The following RGS6 variants were observed in gnomAD, a reference collection of about 807,000 sequenced individuals.
The protein encoded by RGS6 is regulator of G-protein signaling 6.
Under a neutral mutation model 78.5 loss-of-function variants are expected in RGS6, and 30 were observed. That is an observed-to-expected ratio of 0.38 (90% CI 0.29 to 0.52). The LOEUF is 0.52. Among genes scored for constraint, RGS6 ranks in the 20% least tolerant of loss-of-function variants. RGS6 has a pLI of 0.85. For synonymous variants in RGS6, 206 were observed against 206.0 expected, an observed-to-expected ratio of 1.00 and a Z score of 0.00; for missense variants, 495 against 609.7, an observed-to-expected ratio of 0.81 and a Z score of 1.98.
intron 3 of RGS6, among the ~76,000 whole-genome samples, chr14:72,372,603 G>A (rs1481682077): frequency 6.6e-6 from 1 of 152,208 alleles, no homozygotes; most frequent in East Asian, 1.9e-4. Flanking sequence ...TCTAGGTTGG[G>A]TGTAGGGTAG....
chr14:72,061,698 T>C (rs8022990), intron 2 of RGS6, among the ~76,000 whole-genome samples: 107,839 of 152,042 alleles, frequency 0.71, 38,338 homozygotes, highest in East Asian at 0.83. Flanking sequence ...TGAGTTATCT[T>C]TTATTGTTCT....
downstream of RGS6, among the ~76,000 whole-genome samples, chr14:72,571,243 G>T (rs2097719885): frequency 6.6e-6 from 1 of 152,168 alleles, no homozygotes; most frequent in Admixed American, 6.5e-5. Context: ...CAGGCTTATG[G>T]CAGGGCAAGG....
chr14:72,368,463 A>G (rs1377756277), intron 3 of RGS6, among the ~76,000 whole-genome samples: 1 of 152,150 alleles, frequency 6.6e-6, no homozygotes, highest in Non-Finnish European at 1.5e-5. Flanking sequence ...AAACCATTGC[A>G]CTGTGGTACT....
At chr14:72,263,621 A>G (rs572049500) in intron 2 of RGS6, among the ~76,000 whole-genome samples, 12 of 152,188 alleles carry the variant, frequency 7.9e-5, no homozygotes, top group Non-Finnish European at 5.9e-5. Context: ...GGCCCTCATG[A>G]TTGGGATTAG....
At chr14:72,344,787 A>G (rs1423362586) in intron 2 of RGS6, among the ~76,000 whole-genome samples, 3 of 152,218 alleles carry the variant, frequency 2.0e-5, no homozygotes, top group African/African-American at 4.8e-5. Context: ...CTGGGACACC[A>G]TGGACAGATT....
the RGS6 span, among the ~76,000 whole-genome samples, chr14:72,573,613 A>G: frequency 6.6e-6 from 1 of 152,226 alleles, no homozygotes; most frequent in South Asian, 2.1e-4. Context: ...TCCAGAATAG[A>G]TAAATATCTC....
At chr14:72,215,834 A>G (rs2045427602) in intron 2 of RGS6, among the ~76,000 whole-genome samples, 1 of 152,234 alleles carries the variant, frequency 6.6e-6, no homozygotes, top group Admixed American at 6.5e-5. Context: ...TGATTTCTTT[A>G]TTATGGCTAG....
chr14:72,388,294 G>A (rs975739805), intron 3 of RGS6, among the ~76,000 whole-genome samples: 1 of 152,102 alleles, frequency 6.6e-6, no homozygotes, highest in African/African-American at 2.4e-5. Flanking sequence ...ATATGTGTGT[G>A]CATATTTCAA....
At chr14:72,543,811 C>G (rs1478187802) in intron 17 of RGS6, among the ~76,000 whole-genome samples, 6 of 152,250 alleles carry the variant, frequency 3.9e-5, no homozygotes, top group Admixed American at 3.9e-4. Context: ...TCTTGGCTCA[C>G]TGCAACCTCT....
intron 2 of RGS6, among the ~76,000 whole-genome samples, chr14:72,334,551 C>T (rs190571155): frequency 1.0e-3 from 155 of 152,330 alleles, no homozygotes; most frequent in African/African-American, 3.5e-3. Flanking sequence ...ACCCAAATTG[C>T]ACCCACAGAG....
At chr14:72,416,939 T>C (rs2093855426) in intron 3 of RGS6, among the ~76,000 whole-genome samples, 1 of 152,206 alleles carries the variant, frequency 6.6e-6, no homozygotes, top group Non-Finnish European at 1.5e-5. Context: ...GATTGGTGTG[T>C]ATAAAACACT....
intron 2 of RGS6, among the ~76,000 whole-genome samples, chr14:72,310,844 G>C (rs1470379655): frequency 6.6e-6 from 1 of 152,188 alleles, no homozygotes; most frequent in African/African-American, 2.4e-5. Context: ...TGTGACTCCA[G>C]CTTCTCCCAC....
At chr14:72,477,077 T>A in intron 11 of RGS6, 1 of 486,280 alleles carries the variant, frequency 2.1e-6, no homozygotes, top group East Asian at 3.9e-5. Flanking sequence ...AAATGAGTCA[T>A]CCCATGCCTT....
intron 3 of RGS6, among the ~76,000 whole-genome samples, chr14:72,411,375 A>G (rs1289717159): frequency 2.6e-5 from 4 of 151,980 alleles, no homozygotes; most frequent in Admixed American, 6.6e-5. Flanking sequence ...TTTGTCTGTT[A>G]TTGGTGTATA....
At chr14:72,493,165 A>C (rs535954407) in intron 12 of RGS6, among the ~76,000 whole-genome samples, 1 of 152,200 alleles carries the variant, frequency 6.6e-6, no homozygotes, top group African/African-American at 2.4e-5. Context: ...TGGATGTCCA[A>C]AGATTTTCCA....
the RGS6 span, chr14:72,619,424 C>A: frequency 6.6e-7 from 1 of 1,510,054 alleles, no homozygotes; most frequent in Non-Finnish European, 8.9e-7. Context: ...GGAGCCCCAC[C>A]CCACTGGCCC....
At chr14:72,426,327 A>G (rs2094433672) in intron 3 of RGS6, among the ~76,000 whole-genome samples, 2 of 152,240 alleles carry the variant, frequency 1.3e-5, no homozygotes, top group South Asian at 4.1e-4. Context: ...AAGACTGGCC[A>G]CAAAGTCCAG....
chr14:72,579,687 CTA>C, the RGS6 span, among the ~76,000 whole-genome samples: 4 of 152,174 alleles, frequency 2.6e-5, no homozygotes, highest in Non-Finnish European at 5.9e-5. Flanking sequence ...ACATAGGAAA[CTA>C]GGAATGGACA....
chr14:72,420,227 G>A (rs1413489189), intron 3 of RGS6, among the ~76,000 whole-genome samples: 2 of 152,206 alleles, frequency 1.3e-5, no homozygotes, highest in East Asian at 1.9e-4. Context: ...AATGCCAGGA[G>A]GGTGTTACGT....
Sources: gnomAD v4.1 joint callset for allele counts (sites outside exome capture counted in the v4.1 genomes callset) on GRCh38, gnomAD v4.1.1 for gene constraint, MANE v1.5 for transcripts, NCBI Gene and HGNC (gene_info 2026-07-23, HGNC 2026-07-21) for gene names.